Variants in PCDH11X observed in about 807,000 individuals in gnomAD.
The protein encoded by PCDH11X is protocadherin 11 X-linked.
PCDH11X carries 18 observed loss-of-function variants against 53.3 expected under a neutral mutation model. The ratio of observed to expected loss-of-function variants is 0.34; its 90% CI spans 0.23 to 0.50. The LOEUF is 0.50. Among genes scored for constraint, PCDH11X ranks in the 20% least tolerant of loss-of-function variants. The pLI is 0.98. For missense variants in PCDH11X, 570 were observed against 1,032.4 expected (o/e 0.55, Z 6.14); for synonymous variants, 279 against 393.3 (o/e 0.71, Z 3.44).
chrX:91,818,005 A>C (rs1311112184), intron 4 of PCDH11X, among the ~76,000 whole-genome samples: 1 of 111,811 alleles, frequency 8.9e-6, no homozygotes, highest in African/African-American at 3.2e-5. Context: ...TATGATATCT[A>C]TTAAGGAGTT....
intron 6 of PCDH11X, among the ~76,000 whole-genome samples, chrX:91,942,608 C>T (rs2061524283): frequency 9.0e-6 from 1 of 110,877 alleles, no homozygotes; most frequent in Admixed American, 9.7e-5. Flanking sequence ...TATGGCTTCA[C>T]TTGTCAATTC....
At chrX:92,277,554 G>A (rs570509377) in intron 8 of PCDH11X, among the ~76,000 whole-genome samples, 2 of 108,506 alleles carry the variant, frequency 1.8e-5, no homozygotes, top group African/African-American at 6.7e-5. Context: ...GTAGAGAAAT[G>A]GAGGGAAGGG....
intron 6 of PCDH11X, among the ~76,000 whole-genome samples, chrX:91,970,010 C>A (rs2061928903): frequency 9.1e-6 from 1 of 110,153 alleles, no homozygotes; most frequent in Admixed American, 9.7e-5. Context: ...CCGGTGGGTT[C>A]TTGGTCTCGC....
intron 8 of PCDH11X, among the ~76,000 whole-genome samples, chrX:92,312,372 A>G (rs1165541624): frequency 9.0e-6 from 1 of 110,715 alleles, no homozygotes; most frequent in East Asian, 2.8e-4. Flanking sequence ...AAAATTTATT[A>G]GCATATGTGT....
intron 6 of PCDH11X, among the ~76,000 whole-genome samples, chrX:92,028,950 C>A (rs1249496542): frequency 9.1e-6 from 1 of 109,706 alleles, no homozygotes; most frequent in Non-Finnish European, 1.9e-5. Flanking sequence ...AAGGAAGAAT[C>A]AATGACCCAT....
chrX:92,562,608 C>A lies in PCDH11X; in HGVS notation c.3368-55656C>A, dbSNP rs1281608395. On this transcript the variant is annotated intron_variant, in intron 10 of 10. Transcript: ENST00000682573. ...TTAAATATAAGTTTCAGCTTTAAGT[C>A]ATTTATTTACTCCCACATATGAACA... Among the ~76,000 whole-genome samples the A allele has an allele frequency of 6.5e-5, 7 of 107,809 alleles. No homozygotes were observed. In the East Asian group the frequency reaches 2.1e-3, roughly 32 times the overall value. The allele number at this position is 107,809 out of a possible 115,157, so 93.6% of individuals were successfully genotyped here.
chrX:91,996,995 A>G (rs1289488082), intron 6 of PCDH11X, among the ~76,000 whole-genome samples: 1 of 83,121 alleles, frequency 1.2e-5, no homozygotes, highest in Admixed American at 1.5e-4. Flanking sequence ...TTTATTGTTA[A>G]TTGTATTGTC....
intron 7 of PCDH11X, among the ~76,000 whole-genome samples, chrX:92,262,838 A>AT: frequency 9.0e-6 from 1 of 111,148 alleles, no homozygotes; most frequent in East Asian, 2.8e-4. Flanking sequence ...CTAAGCATAT[A>AT]TTTTTTGTGC....
intron 6 of PCDH11X, among the ~76,000 whole-genome samples, chrX:91,958,655 C>T (rs1447821180): frequency 1.8e-5 from 2 of 109,990 alleles, no homozygotes; most frequent in East Asian, 2.9e-4. Context: ...TTTTGTGGGT[C>T]GAGTTGTTTT....
intron 6 of PCDH11X, among the ~76,000 whole-genome samples, chrX:92,065,403 T>C (rs956663283): frequency 1.8e-5 from 2 of 111,410 alleles, no homozygotes; most frequent in Admixed American, 1.9e-4. Context: ...CTGGATTGTA[T>C]GGTAACTTTA....
intron 7 of PCDH11X, among the ~76,000 whole-genome samples, chrX:92,202,374 A>C (rs1452950925): frequency 9.0e-6 from 1 of 110,559 alleles, no homozygotes; most frequent in Non-Finnish European, 1.9e-5. Context: ...AACTCCTGAG[A>C]TCTTATTGGG....
At chrX:92,139,839 G>C (rs2065149402) in intron 6 of PCDH11X, among the ~76,000 whole-genome samples, 1 of 110,814 alleles carries the variant, frequency 9.0e-6, no homozygotes, top group Non-Finnish European at 1.9e-5. Flanking sequence ...TGCTATTATA[G>C]TGCCTGGGAT....
At chrX:92,087,800 T>C (rs2063983523) in intron 6 of PCDH11X, among the ~76,000 whole-genome samples, 1 of 110,024 alleles carries the variant, frequency 9.1e-6, no homozygotes. Flanking sequence ...TCATGTCGGA[T>C]ATCATTTTGC....
At chrX:91,994,296 A>G (rs1486610670) in intron 6 of PCDH11X, among the ~76,000 whole-genome samples, 1 of 107,921 alleles carries the variant, frequency 9.3e-6, no homozygotes, top group African/African-American at 3.4e-5. Flanking sequence ...CCTTTCACCA[A>G]CTTCTTCCCA....
At chrX:92,415,115 C>A (rs752044391) in intron 9 of PCDH11X, among the ~76,000 whole-genome samples, 1 of 110,995 alleles carries the variant, frequency 9.0e-6, no homozygotes, top group Non-Finnish European at 1.9e-5. Flanking sequence ...ACAATTTCAC[C>A]TTTTGTTTTT....
intron 5 of PCDH11X, among the ~76,000 whole-genome samples, chrX:91,862,210 A>G (rs1030224806): frequency 1.8e-4 from 20 of 111,042 alleles, no homozygotes; most frequent in Non-Finnish European, 9.4e-5. Flanking sequence ...AGTATTCAGC[A>G]GTAAAGCTAT....
intron 5 of PCDH11X, among the ~76,000 whole-genome samples, chrX:91,841,801 T>A (rs1390540445): frequency 2.0e-5 from 2 of 99,607 alleles, no homozygotes; most frequent in Non-Finnish European, 4.1e-5. Context: ...ATTGATTATA[T>A]AACAACACTG....
intron 4 of PCDH11X, among the ~76,000 whole-genome samples, chrX:91,829,172 A>G (rs1453584060): frequency 9.1e-6 from 1 of 110,394 alleles, no homozygotes; most frequent in Non-Finnish European, 1.9e-5. Context: ...AGATAATTTA[A>G]ACACTAATAT....
At chrX:92,256,806 G>A (rs1353240010) in intron 7 of PCDH11X, among the ~76,000 whole-genome samples, 1 of 110,633 alleles carries the variant, frequency 9.0e-6, no homozygotes, top group Admixed American at 9.6e-5. Flanking sequence ...GTGAGAACAT[G>A]TGGTATTTGG....
Sources: gnomAD v4.1 joint callset for allele counts (sites outside exome capture counted in the v4.1 genomes callset) on GRCh38, gnomAD v4.1.1 for gene constraint, MANE v1.5 for transcripts, NCBI Gene and HGNC (gene_info 2026-07-23, HGNC 2026-07-21) for gene names.